BUB1: variants seen among roughly 807,000 people sequenced by gnomAD.
BUB1 encodes BUB1 mitotic checkpoint serine/threonine kinase.
BUB1 carries 84 observed loss-of-function variants against 135.2 expected under a neutral mutation model. That is an observed-to-expected ratio of 0.62 (90% confidence interval 0.52 to 0.74). The LOEUF (loss-of-function observed/expected upper bound fraction) is 0.74, where lower values mean the gene tolerates loss of function less well. Ranked by LOEUF, BUB1 falls within the 30% of genes least tolerant of loss-of-function variation. The pLI, the probability that BUB1 is intolerant of heterozygous loss-of-function variation, is 0.00. For synonymous variants in BUB1, 403 were observed against 434.4 expected (o/e 0.93, Z 0.90); for missense variants, 1,162 against 1,288.3 (o/e 0.90, Z 1.50).
At chr2:110,655,183 G>A (rs1004503043) in intron 16 of BUB1, among the ~76,000 whole-genome samples, 3 of 152,142 alleles carry the variant, frequency 2.0e-5, no homozygotes, top group African/African-American at 4.8e-5. Context: ...TAGAAATAAG[G>A]ACTACTTGTG....
At chr2:110,657,475 TCACCACCC>T in intron 14 of BUB1, 63 bp downstream of exon 14, 1 of 1,165,156 alleles carries the variant, frequency 8.6e-7, no homozygotes. Flanking sequence ...CATTCTCTCC[TCACCACCC>T]CACCACCTCT....
At chr2:110,653,161 G>T (rs1242506424) in intron 17 of BUB1, among the ~76,000 whole-genome samples, 1 of 152,120 alleles carries the variant, frequency 6.6e-6, no homozygotes, top group African/African-American at 2.4e-5. Context: ...GTACTGGCCA[G>T]GTATTCTGGA....
intron 1 of BUB1, 145 bp from the exon 2 acceptor site, chr2:110,674,510 A>G: frequency 1.5e-6 from 1 of 679,146 alleles, no homozygotes; most frequent in Non-Finnish European, 2.5e-6. Context: ...ATTTATATGC[A>G]TTAAAATGAA....
In BUB1 at chr2:110,672,691, T is replaced by C. The variant is rs144099740; in HGVS notation, c.392A>G (p.Glu131Gly). 6.2e-7 allele frequency: 1 copy of C among 1,605,842 alleles called. No individual in the cohort carries two copies. Among genetic ancestry groups the C allele is most frequent in the African/African-American group, 1.3e-5 (1 of 74,508 alleles). ...VLQRGIQNQA[E>G]PREFLQQQYR... is the part of the protein sequence containing the mutation. ...TTGTTGTTGCAGGAACTCTCTGGGT[T>C]CAGCCTGGTTTTGAATTCCTCTCTG... Residue 131 changes from glutamate (E) to glycine (G), a missense_variant, in exon 4 of 25, where the codon GAA becomes GGA. Glu to Gly is a moderately conservative substitution (Grantham distance 98). Coordinates refer to ENST00000302759, the MANE Select transcript of BUB1 (RefSeq NM_004336.5).
intron 8 of BUB1, among the ~76,000 whole-genome samples, chr2:110,667,290 G>C (rs1690284750): frequency 6.6e-6 from 1 of 151,930 alleles, no homozygotes; most frequent in Non-Finnish European, 1.5e-5. Flanking sequence ...TACACTAGTG[G>C]TTAAGCAATT....
At chr2:110,668,239 T>C (rs1055262703) in intron 6 of BUB1, among the ~76,000 whole-genome samples, 2 of 152,154 alleles carry the variant, frequency 1.3e-5, no homozygotes, top group African/African-American at 4.8e-5. Flanking sequence ...CCTCAGGTAC[T>C]ACTCTGCCCT....
At chr2:110,653,399 G>A (rs1378064411) in intron 17 of BUB1, 37 bp downstream of exon 17, 1 of 1,572,098 alleles carries the variant, frequency 6.4e-7, no homozygotes, top group Non-Finnish European at 8.8e-7. Flanking sequence ...GAATGAAAAT[G>A]AAGAGAATGG....
At chr2:110,664,978 G>A (rs1285219433) in intron 9 of BUB1, among the ~76,000 whole-genome samples, 1 of 152,166 alleles carries the variant, frequency 6.6e-6, no homozygotes, top group Non-Finnish European at 1.5e-5. Context: ...GTTAATGTGA[G>A]TGCACAGTCC....
At chr2:110,656,108 T>C (rs1415824463) in intron 15 of BUB1, among the ~76,000 whole-genome samples, 192 bp from the exon 16 acceptor site, 2 of 152,200 alleles carry the variant, frequency 1.3e-5, no homozygotes, top group Admixed American at 6.5e-5. Flanking sequence ...TGGAGTTACA[T>C]TACAGCAAGA....
Position 110,669,523 on chromosome 2 carries a change from T to G in BUB1, c.497A>C (p.Gln166Pro). ...ARTSEPLHNV[Q>P]VLNQMITSKS... Reference sequence around the variant, plus strand: ...TGATGTTATCATTTGATTTAAAACCTGAACATTATGCAGAGGTTCTGAGGT... The same window carrying G: ...TGATGTTATCATTTGATTTAAAACCGGAACATTATGCAGAGGTTCTGAGGT... Residue 166 changes from glutamine to proline, a missense_variant, in exon 6 of 25, where the codon CAG (glutamine) becomes CCG (proline). By Grantham distance (76) the Gln-to-Pro change is moderately conservative. Transcript: ENST00000302759. 5 of 1,609,018 alleles carry G rather than the reference T, an allele frequency of 3.1e-6. No individual in the cohort carries two copies. The highest frequency in any genetic ancestry group is 4.3e-6 in the Non-Finnish European group (5 of 1,175,560).
At chr2:110,643,310 T>A (rs1451928210) in intron 19 of BUB1, among the ~76,000 whole-genome samples, 1 of 152,128 alleles carries the variant, frequency 6.6e-6, no homozygotes, top group Non-Finnish European at 1.5e-5. Context: ...TGTAAAGAAC[T>A]GCACATCTGA....
At position 110,658,165 on chromosome 2, in the gene BUB1, T is replaced by G. The variant is rs1420270610; in HGVS notation, c.1516+245A>C. Among the ~76,000 whole-genome samples, 2 of 151,740 alleles carry G rather than the reference T, an allele frequency of 1.3e-5. 1 individual carries two copies. The highest frequency in any genetic ancestry group is 3.9e-4 in the East Asian group (2 of 5,180). ...AAGTCACACCTTGAGTACTCAGCCC[T>G]TCTTATCCATGGGGGTTTTGTCCTT... On this transcript the variant is annotated intron_variant, in intron 13 of 24. Transcript: ENST00000302759.
At position 110,642,181 on chromosome 2, in the gene BUB1, C is replaced by G; in HGVS notation, c.2401G>C (p.Val801Leu). The part of the protein sequence containing the change: ...HLLGEGAFAQ[V>L]YEATQGDLND... ...AGATCTCCCTGGGTAGCTTCGTACA[C>G]CTGGGCAAAGGCTCCTTCTCCAAGA... is the stretch of plus-strand genomic sequence containing the variant. The change falls in exon 20 of 25, where the codon GTG becomes CTG. Residue 801 changes from valine (V) to leucine (L), a missense_variant. Val to Leu is a conservative substitution (Grantham distance 32). Transcript: ENST00000302759. The G allele has an allele frequency of 6.2e-7, 1 of 1,613,766 alleles. No homozygotes were observed. The highest frequency in any genetic ancestry group is 8.5e-7 in the Non-Finnish European group (1 of 1,179,846).
At chr2:110,659,667 A>C (rs887012079) in intron 11 of BUB1, among the ~76,000 whole-genome samples, 1 of 152,192 alleles carries the variant, frequency 6.6e-6, no homozygotes, top group African/African-American at 2.4e-5. Flanking sequence ...CTCCTAATTA[A>C]ACTTTTGATA....
chr2:110,654,560 T>G (rs917147681), intron 16 of BUB1, among the ~76,000 whole-genome samples: 1 of 151,972 alleles, frequency 6.6e-6, no homozygotes, highest in Non-Finnish European at 1.5e-5. Flanking sequence ...CTCTTAAGAA[T>G]AGCCAATATT....
chr2:110,647,050 T>C (rs562749579), intron 19 of BUB1, among the ~76,000 whole-genome samples: 2 of 152,310 alleles, frequency 1.3e-5, no homozygotes, highest in South Asian at 4.1e-4. Context: ...ATTGATAACC[T>C]TCCAAAACGG....
intron 16 of BUB1, among the ~76,000 whole-genome samples, chr2:110,655,443 T>G (rs1272489837): frequency 6.6e-6 from 1 of 152,218 alleles, no homozygotes. Flanking sequence ...GCTCTATCTA[T>G]ACAAATGGGT....
In BUB1 at chr2:110,669,387, A is replaced by T. The variant is rs1288658685; in HGVS notation, c.567+66T>A. The T allele has an allele frequency of 2.7e-6, 3 of 1,092,456 alleles. No homozygotes were observed. The East Asian group carries it at 7.1e-5, about 26-fold the overall frequency. The allele number at this position is 1,092,456 out of a possible 1,614,324, so 67.7% of individuals were successfully genotyped here. A position where few individuals can be genotyped will look rare whatever the true frequency, so the allele number is the denominator to read the frequency against. On this transcript the variant is annotated intron_variant, in intron 6 of 24. Coordinates refer to ENST00000302759, the MANE Select transcript of BUB1 (RefSeq NM_004336.5). ...AATGAGATGTCAAAGTGGATGTAGA[A>T]GGCAGCCAGGCTGGCCATTCAATAC...
chr2:110,640,664 T>C (rs1384937645), intron 23 of BUB1, among the ~76,000 whole-genome samples: 1 of 152,146 alleles, frequency 6.6e-6, no homozygotes, highest in Non-Finnish European at 1.5e-5. Context: ...GGCATGCAGG[T>C]CTCCCTGTTA....
Sources: allele counts gnomAD v4.1 joint callset (sites outside exome capture counted in the v4.1 genomes callset), GRCh38; gene constraint gnomAD v4.1.1; transcripts MANE v1.5; gene names NCBI Gene and HGNC (gene_info 2026-07-23, HGNC 2026-07-21).